Variants in BCL2 observed in about 807,000 individuals in gnomAD.
The protein encoded by BCL2 is BCL2 apoptosis regulator.
A neutral mutation model predicts 14.2 loss-of-function variants in BCL2; 1 was observed. That is an observed-to-expected ratio of 0.07 (90% CI 0.02 to 0.33). BCL2 has a LOEUF of 0.33. Among genes scored for constraint, BCL2 ranks in the 10% least tolerant of loss-of-function variants. The probability of loss-of-function intolerance (pLI) is 0.99; values close to 1 mark genes in which losing one functional copy is unlikely to be tolerated. For missense variants in BCL2, 247 were observed against 305.9 expected, an observed-to-expected ratio of 0.81 and a Z score of 1.44; for synonymous variants, 151 against 137.2, an observed-to-expected ratio of 1.10 and a Z score of -0.70.
intron 2 of BCL2, among the ~76,000 whole-genome samples, chr18:63,284,286 G>A (rs1912402020): frequency 1.3e-5 from 2 of 152,210 alleles, no homozygotes. Flanking sequence ...CTGACTGGGA[G>A]CGCATCATCA....
intron 2 of BCL2, among the ~76,000 whole-genome samples, chr18:63,156,671 T>G (rs1472179219): frequency 6.6e-6 from 1 of 152,138 alleles, no homozygotes. Context: ...GAAGCTTCTT[T>G]CAGAAGCCAA....
chr18:63,183,152 G>A (rs1457765339), intron 2 of BCL2, among the ~76,000 whole-genome samples: 1 of 152,180 alleles, frequency 6.6e-6, no homozygotes, highest in African/African-American at 2.4e-5. Context: ...CCTTCCACCC[G>A]AAGTAAGATC....
intron 2 of BCL2, among the ~76,000 whole-genome samples, chr18:63,236,651 A>G (rs1172759719): frequency 1.3e-5 from 2 of 152,242 alleles, no homozygotes; most frequent in Non-Finnish European, 2.9e-5. Flanking sequence ...CGGCTCTTCA[A>G]TGAATCTGTA....
chr18:63,288,053 A>G (rs1912525924), intron 2 of BCL2, among the ~76,000 whole-genome samples: 1 of 152,234 alleles, frequency 6.6e-6, no homozygotes, highest in Non-Finnish European at 1.5e-5. Context: ...CATTTTGGAC[A>G]TTTTGATTTT....
At chr18:63,141,050 C>T (rs934800409) in intron 2 of BCL2, among the ~76,000 whole-genome samples, 4 of 152,062 alleles carry the variant, frequency 2.6e-5, no homozygotes, top group South Asian at 2.1e-4. Flanking sequence ...AGTTAGGGGT[C>T]GGATGCATGA....
At chr18:63,225,646 G>A (rs1449397192) in intron 2 of BCL2, among the ~76,000 whole-genome samples, 1 of 152,194 alleles carries the variant, frequency 6.6e-6, no homozygotes, top group Non-Finnish European at 1.5e-5. Context: ...ATGGGCGCTG[G>A]AACTTGCCAG....
At position 63,309,862 on chromosome 18, in the gene BCL2, GTTTA is replaced by G. The variant is rs757285483; in HGVS notation, c.585+8216_585+8219del. On this transcript the variant is annotated intron_variant, in intron 2 of 2. Transcript: ENST00000333681. ...TATACTTTATTTTATTTATTTGTTT[GTTTA>G]TTTATTTATTTTTTGAGACAGAGTC... Among the ~76,000 whole-genome samples, 438 of 152,058 alleles carry G rather than the reference GTTTA, an allele frequency of 2.9e-3. 1 individual carries two copies. Among genetic ancestry groups the G allele is most frequent in the African/African-American group, 7.7e-3 (319 of 41,488 alleles).
intron 2 of BCL2, among the ~76,000 whole-genome samples, chr18:63,162,408 T>A (rs1024542890): frequency 6.6e-6 from 1 of 152,196 alleles, no homozygotes; most frequent in Non-Finnish European, 1.5e-5. Context: ...GGATCTGCTG[T>A]GGTTTGTCTT....
chr18:63,296,361 A>G (rs1912794890), intron 2 of BCL2, among the ~76,000 whole-genome samples: 1 of 152,040 alleles, frequency 6.6e-6, no homozygotes, highest in African/African-American at 2.4e-5. Context: ...GGAGTGGCAC[A>G]ATCATGGCTC....
intron 2 of BCL2, among the ~76,000 whole-genome samples, chr18:63,218,796 T>TGATCCCATCCTCC (rs1568237562): frequency 5.7e-3 from 1 of 176 alleles, no homozygotes. Context: ...CATCCCCATC[T>TGATCCCATCCTCC]ACTCATCCCC....
chr18:63,180,359 T>C (rs1299712789), intron 2 of BCL2, among the ~76,000 whole-genome samples: 4 of 152,256 alleles, frequency 2.6e-5, no homozygotes, highest in South Asian at 2.1e-4. Flanking sequence ...TAGGAAGTCT[T>C]GCTCTTCAGC....
chr18:63,311,620 AT>A (rs1913322259), intron 2 of BCL2, among the ~76,000 whole-genome samples: 1 of 152,222 alleles, frequency 6.6e-6, no homozygotes, highest in Admixed American at 6.5e-5. Flanking sequence ...AGAGCTGATT[AT>A]TAACTAAAAA....
intron 2 of BCL2, among the ~76,000 whole-genome samples, chr18:63,170,096 C>A (rs772068172): frequency 1.3e-5 from 2 of 152,090 alleles, no homozygotes; most frequent in Non-Finnish European, 2.9e-5. Flanking sequence ...CACTGCATGA[C>A]CTTGCGCAAG....
intron 2 of BCL2, among the ~76,000 whole-genome samples, chr18:63,240,612 T>C (rs1910974377): frequency 6.6e-6 from 1 of 152,256 alleles, no homozygotes; most frequent in Non-Finnish European, 1.5e-5. Context: ...TGATTTCTCA[T>C]GAAGTTCCCT....
intron 2 of BCL2, among the ~76,000 whole-genome samples, chr18:63,150,799 A>G (rs1914633762): frequency 1.3e-5 from 2 of 152,174 alleles, no homozygotes; most frequent in Admixed American, 6.5e-5. Flanking sequence ...GTCCAGAAAT[A>G]TTGGACTATA....
At chr18:63,174,793 A>C (rs8099218) in intron 2 of BCL2, among the ~76,000 whole-genome samples, 43,303 of 144,600 alleles carry the variant, frequency 0.3, 9,029 homozygotes, top group African/African-American at 0.57. Context: ...GCACTCCAGC[A>C]TGGGGGACAA....
chr18:63,290,883 C>T (rs1288309427), intron 2 of BCL2, among the ~76,000 whole-genome samples: 2 of 152,166 alleles, frequency 1.3e-5, no homozygotes, highest in Non-Finnish European at 2.9e-5. Flanking sequence ...CCTACTCCCA[C>T]CCTCATCCCA....
At chr18:63,135,188 G>A (rs1432531205) in intron 2 of BCL2, among the ~76,000 whole-genome samples, 3 of 152,296 alleles carry the variant, frequency 2.0e-5, no homozygotes, top group East Asian at 3.9e-4. Flanking sequence ...CCTCCTGCAT[G>A]TCACTGGTTA....
intron 2 of BCL2, among the ~76,000 whole-genome samples, chr18:63,256,495 G>C (rs144141596): frequency 6.6e-6 from 1 of 152,216 alleles, no homozygotes; most frequent in East Asian, 1.9e-4. Context: ...GGGATTACAG[G>C]CGTGAGCCAC....
Sources: gnomAD v4.1 joint callset for allele counts (sites outside exome capture counted in the v4.1 genomes callset) on GRCh38, gnomAD v4.1.1 for gene constraint, MANE v1.5 for transcripts, NCBI Gene and HGNC (gene_info 2026-07-23, HGNC 2026-07-21) for gene names.